The following CALN1 variants were observed in gnomAD, a reference collection of about 807,000 sequenced individuals.
CALN1 encodes calcium-binding protein 8.
CALN1 carries 17 observed loss-of-function variants against 30.6 expected under a neutral mutation model. The ratio of observed to expected loss-of-function variants is 0.56; its 90% confidence interval spans 0.38 to 0.83. The LOEUF is 0.83. CALN1 is among the 40% of genes least tolerant of loss of function. The pLI is 0.00. For missense variants in CALN1, 291 were observed against 354.9 expected (o/e 0.82, Z 1.45); for synonymous variants, 156 against 131.4 (o/e 1.19, Z -1.28).
At chr7:71,859,494 T>C (rs1791150213) in intron 5 of CALN1, among the ~76,000 whole-genome samples, 1 of 152,308 alleles carries the variant, frequency 6.6e-6, no homozygotes, top group East Asian at 1.9e-4. Flanking sequence ...GGAACTTCTG[T>C]TTCTCCTTCA....
At chr7:72,434,053 C>T (rs1808061999) in intron 1 of CALN1, among the ~76,000 whole-genome samples, 1 of 151,360 alleles carries the variant, frequency 6.6e-6, no homozygotes, top group Non-Finnish European at 1.5e-5. Context: ...AAGTGAGACC[C>T]TGTTCCTGAA....
intron 2 of CALN1, among the ~76,000 whole-genome samples, chr7:72,393,912 G>C (rs1805748429): frequency 6.6e-6 from 1 of 152,110 alleles, no homozygotes; most frequent in Non-Finnish European, 1.5e-5. Flanking sequence ...ACCGTGCCTG[G>C]CCTCGGAGCA....
At chr7:72,501,908 CAAAAAAAA>C in the CALN1 span, among the ~76,000 whole-genome samples, 15 of 24,726 alleles carry the variant, frequency 6.1e-4, no homozygotes, top group African/African-American at 2.1e-3. Context: ...GATTTCGTCT[CAAAAAAAA>C]AAAAAAAAAA....
In CALN1 at chr7:72,030,033, C is replaced by A. The variant is rs535989573; in HGVS notation, c.389-6264G>T. On this transcript the variant is annotated intron_variant, in intron 4 of 6. Coordinates refer to ENST00000395275, the MANE Select transcript of CALN1 (RefSeq NM_031468.4). Reference sequence around the variant, plus strand: ...ATGGAAATTGTCTAAACAGGTGCTCCTCAAATAATGTTAACTCCAGATAGA... The same window carrying A: ...ATGGAAATTGTCTAAACAGGTGCTCATCAAATAATGTTAACTCCAGATAGA... Among the ~76,000 whole-genome samples the A allele has an allele frequency of 2.0e-5, 3 of 152,244 alleles. No homozygotes were observed. The South Asian group carries it at 6.2e-4, about 32-fold the overall frequency.
intron 2 of CALN1, among the ~76,000 whole-genome samples, chr7:72,362,053 A>T (rs563487129): frequency 6.6e-6 from 1 of 152,204 alleles, no homozygotes; most frequent in Admixed American, 6.5e-5. Flanking sequence ...GGTAAATAGC[A>T]TATATTGTGT....
intron 4 of CALN1, among the ~76,000 whole-genome samples, chr7:72,032,870 GCCCTGCAGGGT>G (rs1801551540): frequency 6.6e-6 from 1 of 152,082 alleles, no homozygotes; most frequent in South Asian, 2.1e-4. Flanking sequence ...ACCTGTTCAG[GCCCTGCAGGGT>G]CCCATCAAAC....
At chr7:72,041,825 G>A (rs1004709881) in intron 4 of CALN1, among the ~76,000 whole-genome samples, 8 of 152,166 alleles carry the variant, frequency 5.3e-5, no homozygotes, top group Non-Finnish European at 1.0e-4. Flanking sequence ...CTGATGATCC[G>A]ATAAAGGGGA....
intron 2 of CALN1, among the ~76,000 whole-genome samples, chr7:72,329,523 C>A (rs1479058434): frequency 6.6e-6 from 1 of 152,228 alleles, no homozygotes; most frequent in African/African-American, 2.4e-5. Flanking sequence ...CTTCCTTCTC[C>A]TCTAATGAAC....
At chr7:72,058,340 C>T (rs371954320) in intron 4 of CALN1, among the ~76,000 whole-genome samples, 1 of 55,620 alleles carries the variant, frequency 1.8e-5, no homozygotes, top group Non-Finnish European at 3.7e-5. Flanking sequence ...TTTTTTGAGA[C>T]GGAGTCTCGC....
At chr7:72,173,582 A>G (rs1452937883) in intron 3 of CALN1, among the ~76,000 whole-genome samples, 4 of 152,174 alleles carry the variant, frequency 2.6e-5, no homozygotes, top group Non-Finnish European at 4.4e-5. Context: ...AGTCAAAAGG[A>G]CAGACTTCTA....
chr7:72,244,511 A>G (rs891134876), intron 3 of CALN1, among the ~76,000 whole-genome samples: 3 of 152,036 alleles, frequency 2.0e-5, no homozygotes, highest in African/African-American at 7.2e-5. Context: ...ACAATTTATT[A>G]TTGGGATATA....
intron 2 of CALN1, among the ~76,000 whole-genome samples, chr7:72,370,090 T>C (rs1804135533): frequency 6.6e-6 from 1 of 152,226 alleles, no homozygotes; most frequent in South Asian, 2.1e-4. Context: ...CCATCAGTCA[T>C]GCATGAGAGT....
At chr7:72,172,330 A>T (rs899405546) in intron 3 of CALN1, among the ~76,000 whole-genome samples, 3 of 152,238 alleles carry the variant, frequency 2.0e-5, no homozygotes, top group Non-Finnish European at 4.4e-5. Context: ...ATACCTTCTC[A>T]GTCACATTCA....
chr7:72,368,809 C>CT (rs57192078), intron 2 of CALN1, among the ~76,000 whole-genome samples: 3,198 of 101,420 alleles, frequency 0.032, 55 homozygotes, highest in African/African-American at 0.064. Flanking sequence ...GTTTGAAACC[C>CT]TTTTTTTTTT....
intron 5 of CALN1, among the ~76,000 whole-genome samples, chr7:71,885,569 G>T (rs1250814224): frequency 6.6e-6 from 1 of 152,230 alleles, no homozygotes; most frequent in African/African-American, 2.4e-5. Flanking sequence ...TGAAAGCTGT[G>T]TTCACTCATA....
intron 5 of CALN1, among the ~76,000 whole-genome samples, chr7:71,930,520 T>G (rs1398651542): frequency 6.6e-6 from 1 of 152,248 alleles, no homozygotes; most frequent in African/African-American, 2.4e-5. Flanking sequence ...GTGAGTTGTC[T>G]TTTTAGCTTC....
intron 4 of CALN1, among the ~76,000 whole-genome samples, chr7:72,069,621 G>C (rs1375313546): frequency 6.6e-6 from 1 of 152,068 alleles, no homozygotes; most frequent in African/African-American, 2.4e-5. Context: ...GAGGGATACA[G>C]GATGGCAATT....
intron 3 of CALN1, among the ~76,000 whole-genome samples, chr7:72,278,070 G>A (rs538790741): frequency 6.8e-5 from 10 of 146,924 alleles, no homozygotes; most frequent in South Asian, 4.4e-4. Context: ...AAGATACAAT[G>A]AGACACAGTC....
At chr7:72,199,504 G>A (rs191098696) in intron 3 of CALN1, among the ~76,000 whole-genome samples, 6 of 152,208 alleles carry the variant, frequency 3.9e-5, no homozygotes, top group South Asian at 4.1e-4. Flanking sequence ...CCAGGAGTTC[G>A]AGACAAGGAG....
Sources: allele counts gnomAD v4.1 joint callset (sites outside exome capture counted in the v4.1 genomes callset), GRCh38; gene constraint gnomAD v4.1.1; transcripts MANE v1.5; gene names NCBI Gene and HGNC (gene_info 2026-07-23, HGNC 2026-07-21).